Variants in MTG1 observed in about 807,000 individuals in gnomAD.
The protein encoded by MTG1 is mitochondrial ribosome associated GTPase 1.
In MTG1, 30 loss-of-function variants were observed where a neutral mutation model predicts 39.5. The ratio of observed to expected loss-of-function variants is 0.76; its 90% CI spans 0.57 to 1.03. The LOEUF (loss-of-function observed/expected upper bound fraction) is 1.03. Among genes scored for constraint, MTG1 ranks in the 50% least tolerant of loss-of-function variants. MTG1 has a pLI of 0.00. For synonymous variants in MTG1, 217 were observed against 179.0 expected (o/e 1.21, Z -1.69); for missense variants, 513 against 447.4 (o/e 1.15, Z -1.32).
intron 9 of MTG1, among the ~76,000 whole-genome samples, chr10:133,415,408 G>A (rs2133513938): frequency 6.7e-6 from 1 of 150,086 alleles, no homozygotes. Context: ...TTTCACCTTT[G>A]TTTTGAAAGA....
Position 133,414,740 on chromosome 10 carries a change from C to T in MTG1, c.753-4740C>T, listed in dbSNP as rs371392895. Among the ~76,000 whole-genome samples the T allele has an allele frequency of 3.4e-4, 52 of 152,142 alleles. 1 individual carries two copies. The East Asian group carries it at 7.8e-3, about 23-fold the overall frequency. ...CAGACAATGGGCGGCCAGGCAGAGACGCTCCTCGCTTCCCAGATGGGGTGG... is the reference window on the plus strand; with the variant it reads ...CAGACAATGGGCGGCCAGGCAGAGATGCTCCTCGCTTCCCAGATGGGGTGG... On this transcript the variant is annotated intron_variant, in intron 9 of 10. Coordinates refer to ENST00000317502, the MANE Select transcript of MTG1 (RefSeq NM_138384.4).
At chr10:133,416,588 G>A (rs1850137725) in intron 9 of MTG1, among the ~76,000 whole-genome samples, 1 of 124,578 alleles carries the variant, frequency 8.0e-6, no homozygotes, top group South Asian at 2.7e-4. Flanking sequence ...GGTGTGTGAT[G>A]TTCCCCTTCC....
chr10:133,409,678 T>G (rs1170509152), intron 9 of MTG1, among the ~76,000 whole-genome samples: 1 of 152,252 alleles, frequency 6.6e-6, no homozygotes, highest in Non-Finnish European at 1.5e-5. Context: ...TATCAATGTT[T>G]GCTTTATATA....
Position 133,402,815 on chromosome 10 carries a change from A to G in MTG1, c.752+42A>G, listed in dbSNP as rs1849905152. On this transcript the variant is annotated intron_variant, in intron 9 of 10. Transcript: ENST00000317502. This position sits in a 1 kb window ranked among gnomAD's most constrained non-coding sequence, Gnocchi z 4.7. ...CAGGGCAGCTGGGGCCCCTCCTCCT[A>G]GTCACCTCATTTAAAAAAAAAAAAC... 2.9e-6 allele frequency: 4 copies of G among 1,397,194 alleles called. No individual in the cohort carries two copies. Among genetic ancestry groups the G allele is most frequent in the Non-Finnish European group, 3.9e-6 (4 of 1,025,224 alleles). 86.5% of individuals were successfully genotyped at this position (1,397,194 alleles called of 1,614,324 possible). A position where few individuals can be genotyped will look rare whatever the true frequency, so the allele number is the denominator to read the frequency against.
At chr10:133,405,814 T>TC (rs1849961377) in intron 9 of MTG1, among the ~76,000 whole-genome samples, 1 of 152,226 alleles carries the variant, frequency 6.6e-6, no homozygotes, top group African/African-American at 2.4e-5. Flanking sequence ...CAGTATTTCT[T>TC]CAGTATATTG....
intron 3 of MTG1, among the ~76,000 whole-genome samples, chr10:133,397,939 C>T (rs1256064864): frequency 6.6e-6 from 1 of 152,124 alleles, no homozygotes; most frequent in Non-Finnish European, 1.5e-5. Context: ...CAGAGAAAGG[C>T]CAGTGCTTCT....
chr10:133,412,089 A>T (rs1850055845), intron 9 of MTG1, among the ~76,000 whole-genome samples: 2 of 151,766 alleles, frequency 1.3e-5, no homozygotes, highest in Non-Finnish European at 2.9e-5. Flanking sequence ...ATGTTTGCTT[A>T]GAGGTTTTTT....
chr10:133,414,546 C>T (rs1241892047), intron 9 of MTG1, among the ~76,000 whole-genome samples: 9 of 150,192 alleles, frequency 6.0e-5, no homozygotes, highest in South Asian at 2.1e-4. Flanking sequence ...CGGGCAGAGG[C>T]GCTCCCCACA....
At chr10:133,418,701 C>T (rs1476594636) in intron 9 of MTG1, among the ~76,000 whole-genome samples, 1 of 152,194 alleles carries the variant, frequency 6.6e-6, no homozygotes, top group Non-Finnish European at 1.5e-5. Flanking sequence ...GCACCAGCCT[C>T]CTCAAGGTTG....
intron 3 of MTG1, among the ~76,000 whole-genome samples, chr10:133,397,710 C>G (rs188738840): frequency 6.6e-5 from 10 of 151,848 alleles, no homozygotes; most frequent in African/African-American, 2.4e-4. Flanking sequence ...AATCTCCTGA[C>G]CTCATGATCC....
intron 9 of MTG1, among the ~76,000 whole-genome samples, chr10:133,407,661 T>A (rs1450698925): frequency 2.0e-5 from 3 of 151,962 alleles, no homozygotes; most frequent in African/African-American, 7.3e-5. Context: ...CTCCGCTTCC[T>A]GGGTTCAAGC....
intron 7 of MTG1, 78 bp downstream of exon 7, chr10:133,401,668 C>A: frequency 7.1e-7 from 1 of 1,411,888 alleles, no homozygotes; most frequent in Non-Finnish European, 1.0e-6. Context: ...CTCTGTGTGG[C>A]TTCCGGCTGC....
At chr10:133,419,953 C>G (rs910027295) in intron 10 of MTG1, 73 bp from the exon 11 acceptor site, 1 of 1,508,588 alleles carries the variant, frequency 6.6e-7, no homozygotes, top group Non-Finnish European at 9.0e-7. Flanking sequence ...TAGGGCTGGT[C>G]CCTCAGGTGG....
At chr10:133,411,758 A>G (rs982113216) in intron 9 of MTG1, among the ~76,000 whole-genome samples, 2 of 150,594 alleles carry the variant, frequency 1.3e-5, no homozygotes, top group African/African-American at 4.9e-5. Context: ...TTTTCAGCAA[A>G]TGTATTTTTT....
At chr10:133,408,624 A>T (rs1850002793) in intron 9 of MTG1, among the ~76,000 whole-genome samples, 1 of 152,178 alleles carries the variant, frequency 6.6e-6, no homozygotes, top group East Asian at 1.9e-4. Flanking sequence ...AGTACAGTTG[A>T]TACTAGTTCT....
intron 9 of MTG1, among the ~76,000 whole-genome samples, chr10:133,411,173 T>C (rs1850040585): frequency 6.6e-6 from 1 of 152,296 alleles, no homozygotes; most frequent in South Asian, 2.1e-4. Flanking sequence ...TCAGCTTTAC[T>C]CTTTCATGTT....
intron 3 of MTG1, among the ~76,000 whole-genome samples, chr10:133,398,059 T>G (rs190500860): frequency 6.6e-6 from 1 of 152,330 alleles, no homozygotes; most frequent in East Asian, 1.9e-4. Flanking sequence ...TTCAGGTGTG[T>G]GTCTTATGTT....
Position 133,420,344 on chromosome 10 carries a change from G to A in MTG1, c.*179G>A. On this transcript the variant is annotated 3_prime_UTR_variant, in exon 11 of 11. Transcript: ENST00000317502. The stretch of plus-strand genomic sequence containing the variant: ...GGACCCCAGTTGCAGGGCCCAAGCA[G>A]GTGGGAGTGGACACCAGGCTTCCCA... 1.5e-6 allele frequency: 1 copy of A among 654,278 alleles called. No homozygotes were observed. The highest frequency in any genetic ancestry group is 2.4e-6 in the Non-Finnish European group (1 of 417,680). 40.5% of individuals were successfully genotyped at this position (654,278 alleles called of 1,614,324 possible).
chr10:133,419,625 C>T (rs1490713542), intron 10 of MTG1, 33 bp downstream of exon 10: 5 of 1,540,822 alleles, frequency 3.2e-6, no homozygotes, highest in Admixed American at 1.9e-5. Flanking sequence ...GCACCGGAGC[C>T]TCACCCCATC....
Sources: allele counts gnomAD v4.1 joint callset (sites outside exome capture counted in the v4.1 genomes callset), GRCh38; gene constraint gnomAD v4.1.1; non-coding constraint Gnocchi (gnomAD v3.1); transcripts MANE v1.5; gene names NCBI Gene and HGNC (gene_info 2026-07-23, HGNC 2026-07-21).